Variants in FKBP1A observed in about 807,000 individuals in gnomAD.
The protein encoded by FKBP1A is FKBP prolyl isomerase 1A.
In FKBP1A, 5 loss-of-function variants were observed where a neutral mutation model predicts 14.2. That is an observed-to-expected ratio of 0.35 (90% confidence interval 0.18 to 0.74). The LOEUF is 0.74. FKBP1A is among the 30% of genes least tolerant of loss of function. The probability of loss-of-function intolerance (pLI) is 0.56; values close to 1 mark genes in which losing one functional copy is unlikely to be tolerated. For missense variants in FKBP1A, 53 were observed against 138.8 expected (o/e 0.38, Z 3.10); for synonymous variants, 42 against 49.1 (o/e 0.86, Z 0.60).
chr20:1,369,966 A>G lies in FKBP1A; in HGVS notation c.*143T>C. On this transcript the variant is annotated 3_prime_UTR_variant, in exon 5 of 5. Coordinates refer to ENST00000400137, the MANE Select transcript of FKBP1A (RefSeq NM_000801.5). ...GAAGCAAAGCTGAGTGACAGAACACATTCAGTCAGGGCAGATGTCTATACA... is the reference window on the plus strand; with the variant it reads ...GAAGCAAAGCTGAGTGACAGAACACGTTCAGTCAGGGCAGATGTCTATACA... The G allele has an allele frequency of 1.3e-6, 2 of 1,498,206 alleles. No individual in the cohort carries two copies. The highest frequency in any genetic ancestry group is 1.8e-6 in the Non-Finnish European group (2 of 1,108,352). 92.8% of individuals were successfully genotyped at this position (1,498,206 alleles called of 1,614,324 possible).
chr20:1,371,816 CATAGAA>C (rs914143656), intron 4 of FKBP1A: 2 of 1,147,432 alleles, frequency 1.7e-6, no homozygotes. Flanking sequence ...TTATAAACTA[CATAGAA>C]AAACATTTAA....
chr20:1,370,840 G>C lies in FKBP1A; in HGVS notation c.*37-768C>G, dbSNP rs983069715. The C allele has an allele frequency of 3.9e-5, 38 of 985,404 alleles. No homozygotes were observed. The African/African-American group carries it at 6.5e-4, about 17-fold the overall frequency. 61.0% of individuals were successfully genotyped at this position (985,404 alleles called of 1,614,324 possible). On this transcript the variant is annotated intron_variant, in intron 4 of 4. Coordinates refer to ENST00000400137, the MANE Select transcript of FKBP1A (RefSeq NM_000801.5). ...TTCAAAAAATGACTCAGCTCTCAAA[G>C]AACAGGAAAGGGATTTTGGCCTAGG...
At chr20:1,375,358 A>G (rs929813995) in intron 3 of FKBP1A, 133 bp downstream of exon 3, 2 of 643,498 alleles carry the variant, frequency 3.1e-6, no homozygotes, top group African/African-American at 3.7e-5. Context: ...TTGTGGGGGT[A>G]TTGGTCAGAT....
rs1477700863 is a variant in FKBP1A, at chr20:1,393,019, G to GGGCGGGCGGCGC, written c.-33_-22dup. 6.9e-7 allele frequency: 1 copy of GGGCGGGCGGCGC among 1,451,752 alleles called. No homozygotes were observed. The highest frequency in any genetic ancestry group is 9.1e-7 in the Non-Finnish European group (1 of 1,102,912). The allele number at this position is 1,451,752 out of a possible 1,614,324, so 89.9% of individuals were successfully genotyped here. On this transcript the variant is annotated 5_prime_UTR_variant, in exon 1 of 5. Transcript: ENST00000400137. ...CCCATGGCGGCGGCGGACGCTGAGC[G>GGGCGGGCGGCGC]GGCGGGCGGCGCGACGGGCGGCGTG... is the stretch of plus-strand genomic sequence containing the variant.
intron 4 of FKBP1A, 109 bp downstream of exon 4, chr20:1,371,966 GA>G (rs2089471136): frequency 5.4e-6 from 8 of 1,473,036 alleles, no homozygotes; most frequent in Non-Finnish European, 6.3e-6. Context: ...AATGCAGGGG[GA>G]AAAATAGCCT....
At chr20:1,392,707 G>A in intron 2 of FKBP1A, 127 bp downstream of exon 2, 3 of 586,014 alleles carry the variant, frequency 5.1e-6, no homozygotes, top group Non-Finnish European at 7.5e-6. Flanking sequence ...CTCAGCCTCG[G>A]GCCATGCGGA....
Position 1,369,830 on chromosome 20 carries a change from A to C in FKBP1A, c.*279T>G. 1 of 535,190 alleles carries C rather than the reference A, an allele frequency of 1.9e-6. No homozygotes were observed. Among genetic ancestry groups the C allele is most frequent in the Non-Finnish European group, 3.3e-6 (1 of 305,952 alleles). The allele number at this position is 535,190 out of a possible 1,614,324, so 33.2% of individuals were successfully genotyped here. On this transcript the variant is annotated 3_prime_UTR_variant, in exon 5 of 5. Coordinates refer to ENST00000400137, the MANE Select transcript of FKBP1A (RefSeq NM_000801.5). ...CCTATATCCAAAAGACTGAAACTGA[A>C]TCTTCACCCCAAAATGAAAACAAAA...
At chr20:1,387,188 G>A (rs987492434) in intron 2 of FKBP1A, among the ~76,000 whole-genome samples, 4 of 152,068 alleles carry the variant, frequency 2.6e-5, no homozygotes, top group Admixed American at 6.5e-5. Context: ...TGAATTTATG[G>A]TATGTAAATT....
chr20:1,380,787 A>G (rs145726293), intron 2 of FKBP1A, among the ~76,000 whole-genome samples: 1 of 152,244 alleles, frequency 6.6e-6, no homozygotes, highest in Non-Finnish European at 1.5e-5. Context: ...TTATCAATCA[A>G]TTGAAAGCAA....
chr20:1,370,008 C>G lies in FKBP1A; in HGVS notation c.*101G>C. On this transcript the variant is annotated 3_prime_UTR_variant, in exon 5 of 5. Transcript: ENST00000400137. ...GTCTATACAAAGTGGAGTGGAACAT[C>G]AGGAAAAGCTCCATATGGATTCATG... 1 of 1,549,500 alleles carries G rather than the reference C, an allele frequency of 6.5e-7. No individual in the cohort carries two copies. The highest frequency in any genetic ancestry group is 8.7e-7 in the Non-Finnish European group (1 of 1,146,452).
chr20:1,392,577 G>A (rs2089751817), intron 2 of FKBP1A, among the ~76,000 whole-genome samples: 1 of 152,156 alleles, frequency 6.6e-6, no homozygotes. Flanking sequence ...AGCATCTAAG[G>A]TGCAGAAATG....
At chr20:1,371,704 G>A in intron 4 of FKBP1A, 1 of 994,798 alleles carries the variant, frequency 1.0e-6, no homozygotes, top group Non-Finnish European at 1.2e-6. Context: ...AGAAACACAG[G>A]GTAGAACAAA....
At chr20:1,392,925 G>A in intron 1 of FKBP1A, 37 bp downstream of exon 1, 1 of 1,332,792 alleles carries the variant, frequency 7.5e-7, no homozygotes, top group Non-Finnish European at 1.0e-6. Context: ...GCGCGCGGCG[G>A]CAGAGGTACT....
chr20:1,369,483 A>C lies in FKBP1A; in HGVS notation c.*626T>G, dbSNP rs1450771175. The C allele has an allele frequency of 8.3e-6, 1 of 119,930 alleles. No homozygotes were observed. The highest frequency in any genetic ancestry group is 3.8e-5 in the African/African-American group (1 of 26,546). 7.4% of individuals were successfully genotyped at this position (119,930 alleles called of 1,614,324 possible). On this transcript the variant is annotated 3_prime_UTR_variant, in exon 5 of 5. Transcript: ENST00000400137. ...TGCAGTGAACATGATCTACTTTCAA[A>C]GGCAGAGGGTTTAAGGGGAGGGTGG...
intron 2 of FKBP1A, chr20:1,391,662 T>C (rs1204395322): frequency 2.5e-6 from 1 of 398,192 alleles, no homozygotes; most frequent in African/African-American, 2.1e-5. Context: ...CATGTTTCCA[T>C]GATTTGGAAG....
At chr20:1,371,640 G>T in intron 4 of FKBP1A, 1 of 843,600 alleles carries the variant, frequency 1.2e-6, no homozygotes, top group Non-Finnish European at 1.4e-6. Context: ...AGCCGCAGAA[G>T]CTAGGACATG....
At chr20:1,372,797 T>G (rs1357626823) in intron 3 of FKBP1A, among the ~76,000 whole-genome samples, 3 of 152,246 alleles carry the variant, frequency 2.0e-5, no homozygotes, top group Non-Finnish European at 4.4e-5. Flanking sequence ...GAATACCATT[T>G]GTGAAAATAT....
chr20:1,378,481 A>ATG (rs2089578032), intron 2 of FKBP1A: 1 of 152,168 alleles, frequency 6.6e-6, no homozygotes. Flanking sequence ...ACTTGTCCAA[A>ATG]TGCACAGAAT....
At position 1,370,083 on chromosome 20, in the gene FKBP1A, C is replaced by G; in HGVS notation, c.*37-11G>C. ...CCCTCCATGGCAGATCTGTTGGGGA[C>G]AGAAAATCTGTGAGTTTCCAGCAAC... On this transcript the variant is annotated splice_polypyrimidine_tract_variant and intron_variant, in intron 4 of 4. Coordinates refer to ENST00000400137, the MANE Select transcript of FKBP1A (RefSeq NM_000801.5). The G allele has an allele frequency of 6.5e-7, 1 of 1,547,174 alleles. No homozygotes were observed. Among genetic ancestry groups the G allele is most frequent in the Non-Finnish European group, 8.7e-7 (1 of 1,146,802 alleles).
Sources: gnomAD v4.1 joint callset for allele counts (sites outside exome capture counted in the v4.1 genomes callset) on GRCh38, gnomAD v4.1.1 for gene constraint, MANE v1.5 for transcripts, NCBI Gene and HGNC (gene_info 2026-07-23, HGNC 2026-07-21) for gene names.